The following MINDY1 variants were observed in gnomAD, a reference collection of about 807,000 sequenced individuals.
MINDY1 encodes ubiquitin carboxyl-terminal hydrolase MINDY-1.
Under a neutral mutation model 53.6 loss-of-function variants are expected in MINDY1, and 50 were observed. That is an observed-to-expected ratio of 0.93 (90% confidence interval 0.74 to 1.18). The LOEUF (loss-of-function observed/expected upper bound fraction) is 1.18, where lower values mean the gene tolerates loss of function less well. Ranked by LOEUF, MINDY1 falls within the 50% of genes most tolerant of loss-of-function variation. The probability of loss-of-function intolerance (pLI) is 0.00; values close to 1 mark genes in which losing one functional copy is unlikely to be tolerated. For synonymous variants in MINDY1, 231 were observed against 234.7 expected (o/e 0.98, Z 0.14); for missense variants, 484 against 578.6 (o/e 0.84, Z 1.68).
rs1672313511 is a variant in MINDY1, at chr1:150,999,674, A to G, written c.839-163T>C. 6.6e-6 allele frequency among the ~76,000 whole-genome samples: 1 copy of G among 152,198 alleles called. No individual in the cohort carries two copies. On this transcript the variant is annotated intron_variant, in intron 6 of 9. Transcript: ENST00000683666. This position sits in a 1 kb window ranked among gnomAD's most constrained non-coding sequence, Gnocchi z 4.4. ...GTATTCATTCACTTAACAAATACTT[A>G]TAATAGAGCAGCTACCTTGTGCCAG...
At chr1:151,003,045 G>A in intron 1 of MINDY1, 4 of 927,082 alleles carry the variant, frequency 4.3e-6, no homozygotes, top group Non-Finnish European at 5.4e-6. Flanking sequence ...AGGATAAGAG[G>A]TGGAGAAAGA....
intron 1 of MINDY1, among the ~76,000 whole-genome samples, chr1:151,005,782 G>C (rs1188193459): frequency 6.6e-6 from 1 of 152,148 alleles, no homozygotes; most frequent in Non-Finnish European, 1.5e-5. Flanking sequence ...ATAAATCAAA[G>C]TTTCATTCTT....
At position 151,006,820 on chromosome 1, in the gene MINDY1, G is replaced by T. The variant is rs763521830; in HGVS notation, c.-598C>A. 2.0e-6 allele frequency: 2 copies of T among 985,442 alleles called. No individual in the cohort carries two copies. The highest frequency in any genetic ancestry group is 2.4e-6 in the Non-Finnish European group (2 of 830,020). The allele number at this position is 985,442 out of a possible 1,614,324, so 61.0% of individuals were successfully genotyped here. On this transcript the variant is annotated 5_prime_UTR_variant, in exon 1 of 10. Coordinates refer to ENST00000683666, the MANE Select transcript of MINDY1 (RefSeq NM_001376665.1). ...CAGCTTTGTGATCAGCAGAGAGGGA[G>T]CGAGAAACAGGAGAGAAAAACAACA...
At position 151,002,459 on chromosome 1, in the gene MINDY1, T is replaced by G. The variant is rs142605017; in HGVS notation, c.159A>C (p.Ala53=). 6.2e-7 allele frequency: 1 copy of G among 1,614,220 alleles called. No homozygotes were observed. The highest frequency in any genetic ancestry group is 8.5e-7 in the Non-Finnish European group (1 of 1,180,044). Residue 53 remains alanine, a synonymous_variant, in exon 2 of 10, where the codon GCA becomes GCC. Transcript: ENST00000683666. The surrounding 1 kb of genome is among the most constrained non-coding windows in gnomAD (Gnocchi z 4.1). ...ADGEAREREP[A]DQALLPSQCG... Reference sequence around the variant, plus strand: ...ACTGGCTAGGCAGCAAAGCTTGGTCTGCTGGCTCCCGTTCTCTAGCCTCCC... The same window carrying G: ...ACTGGCTAGGCAGCAAAGCTTGGTCGGCTGGCTCCCGTTCTCTAGCCTCCC...
rs767749987 is a variant in MINDY1 at position 150,999,310 on chromosome 1, G to A, written c.981+59C>T. 9.4e-6 allele frequency: 15 copies of A among 1,604,072 alleles called. No individual in the cohort carries two copies. Among genetic ancestry groups the A allele is most frequent in the South Asian group, 6.7e-5 (6 of 90,174 alleles). The stretch of plus-strand genomic sequence containing the variant: ...TCTAGCTGATCCCAGCTGGACCCAC[G>A]AGAAAAAGGCACCAGGAAATGACAG... On this transcript the variant is annotated intron_variant, in intron 7 of 9. Coordinates refer to ENST00000683666, the MANE Select transcript of MINDY1 (RefSeq NM_001376665.1). This position sits in a 1 kb window ranked among gnomAD's most constrained non-coding sequence, Gnocchi z 4.4.
intron 1 of MINDY1, among the ~76,000 whole-genome samples, chr1:151,003,572 T>C (rs1672804829): frequency 1.3e-5 from 2 of 152,092 alleles, no homozygotes; most frequent in Admixed American, 1.3e-4. Flanking sequence ...AATAAAGATA[T>C]CAAATTTCTT....
At position 150,997,719 on chromosome 1, in the gene MINDY1, C is replaced by A. The variant is rs587767775; in HGVS notation, c.1234G>T (p.Asp412Tyr). The change falls in exon 9 of 10, where the codon GAC (aspartate) becomes TAC (tyrosine). Residue 412 changes from aspartate to tyrosine, a missense_variant. Physicochemically the swap from Asp to Tyr is radical, Grantham distance 160. Transcript: ENST00000683666. Reference protein sequence around the residue: ...QQPRGPLGLTDLELAQQLQQE... With the variant: ...QQPRGPLGLTYLELAQQLQQE... Reference sequence around the variant, plus strand: ...TGAAGCTGCTGGGCCAGCTCCAAGTCGGTAAGCCCCAGCGGGCCTCGTGGC... The same window carrying A: ...TGAAGCTGCTGGGCCAGCTCCAAGTAGGTAAGCCCCAGCGGGCCTCGTGGC... 1.5e-5 allele frequency: 24 copies of A among 1,613,918 alleles called. No individual in the cohort carries two copies. In the South Asian group the frequency reaches 2.2e-4, roughly 15 times the overall value.
Position 150,999,328 on chromosome 1 carries a change from A to G in MINDY1, c.981+41T>C, listed in dbSNP as rs1316727201. On this transcript the variant is annotated intron_variant, in intron 7 of 9. Transcript: ENST00000683666. The surrounding 1 kb of genome is among the most constrained non-coding windows in gnomAD (Gnocchi z 4.4). ...GACCCACGAGAAAAAGGCACCAGGA[A>G]ATGACAGCACCGCAGCACGCCACCC... 11 of 1,609,960 alleles carry G rather than the reference A, an allele frequency of 6.8e-6. No individual in the cohort carries two copies. In the Admixed American group the frequency reaches 1.7e-4, roughly 24 times the overall value.
Position 150,997,624 on chromosome 1 carries a change from C to T in MINDY1, c.1329G>A (p.Gln443=). 6.2e-7 allele frequency: 1 copy of T among 1,607,524 alleles called. No homozygotes were observed. The highest frequency in any genetic ancestry group is 8.5e-7 in the Non-Finnish European group (1 of 1,179,992). Residue 443 remains glutamine (Q), a splice_region_variant and synonymous_variant, in exon 9 of 10, where the codon CAG becomes CAA. Transcript: ENST00000683666. ...VRMRTRVLSL[Q]GRGATSGRPA... ...TGTGGGCGCCCAGGCAGCAGCCCAC[C>T]TGCAGTGACAGGACCCGCGTCCGCA...
intron 4 of MINDY1, 135 bp downstream of exon 4, chr1:151,001,115 C>T (rs1672517340): frequency 3.3e-6 from 3 of 912,814 alleles, no homozygotes; most frequent in Admixed American, 2.4e-5. Context: ...CAAAGATAAA[C>T]TCTCCTCTGA....
At position 150,997,042 on chromosome 1, in the gene MINDY1, G is replaced by C. The variant is rs1463678814; in HGVS notation, c.*245C>G. On this transcript the variant is annotated 3_prime_UTR_variant, in exon 10 of 10. Transcript: ENST00000683666. ...TCTGTACATACGTGTGACTATTCAGGGACCGGGAGTTGAGAACCAGAAACC... is the reference window on the plus strand; with the variant it reads ...TCTGTACATACGTGTGACTATTCAGCGACCGGGAGTTGAGAACCAGAAACC... 1 of 571,968 alleles carries C rather than the reference G, an allele frequency of 1.7e-6. No individual in the cohort carries two copies. Among genetic ancestry groups the C allele is most frequent in the Non-Finnish European group, 3.1e-6 (1 of 318,220 alleles). The allele number at this position is 571,968 out of a possible 1,614,324, so 35.4% of individuals were successfully genotyped here.
rs1673209938 is a variant in MINDY1, at chr1:151,006,412, T to C, written c.-190A>G. 1 of 1,328,390 alleles carries C rather than the reference T, an allele frequency of 7.5e-7. No homozygotes were observed. The highest frequency in any genetic ancestry group is 3.2e-5 in the Admixed American group (1 of 30,770). 82.3% of individuals were successfully genotyped at this position (1,328,390 alleles called of 1,614,324 possible). The stretch of plus-strand genomic sequence containing the variant: ...AATGAAGGGGGCTGCCAGTGCCAGC[T>C]GCCTTCCAGCTGTCAACGCCTGAGC... On this transcript the variant is annotated 5_prime_UTR_variant, in exon 1 of 10. Transcript: ENST00000683666.
chr1:151,008,296 G>C, upstream of MINDY1: 10 of 1,259,084 alleles, frequency 7.9e-6, no homozygotes, highest in African/African-American at 1.5e-5. Flanking sequence ...TCCTTCCCTC[G>C]GTTGCTAGGG....
In MINDY1 at chr1:151,000,488, G is replaced by A; in HGVS notation, c.704C>T (p.Pro235Leu). The change falls in exon 5 of 10, where the codon CCT (proline) becomes CTT (leucine). Residue 235 changes from proline to leucine, a missense_variant. Pro to Leu is a moderately conservative substitution (Grantham distance 98). Coordinates refer to ENST00000683666, the MANE Select transcript of MINDY1 (RefSeq NM_001376665.1). ...ECSVFDLLGI[P>L]LYHGWLVDPQ... ...ATCAACAAGCCAGCCATGGTACAGA[G>A]GTATGCCTAGCAGGTCAAAGACACT... 1.2e-6 allele frequency: 2 copies of A among 1,613,328 alleles called. No homozygotes were observed. Among genetic ancestry groups the A allele is most frequent in the South Asian group, 1.1e-5 (1 of 90,974 alleles).
intron 1 of MINDY1, among the ~76,000 whole-genome samples, chr1:151,004,467 C>A (rs924885577): frequency 6.6e-6 from 1 of 152,202 alleles, no homozygotes; most frequent in African/African-American, 2.4e-5. Context: ...CGGTGGCTCA[C>A]GCCTGTAATC....
chr1:151,000,480 G>A lies in MINDY1; in HGVS notation c.712C>T (p.His238Tyr), dbSNP rs1558053748. The change falls in exon 5 of 10, where the codon CAT becomes TAT. Residue 238 changes from histidine to tyrosine, a missense_variant. Physicochemically the swap from His to Tyr is moderately conservative, Grantham distance 83 (BLOSUM62 2). Transcript: ENST00000683666. ...ACCTGTGGATCAACAAGCCAGCCAT[G>A]GTACAGAGGTATGCCTAGCAGGTCA... is the stretch of plus-strand genomic sequence containing the variant. ...VFDLLGIPLYHGWLVDPQSPE... is the reference protein window; with the variant it reads ...VFDLLGIPLYYGWLVDPQSPE... 1.2e-6 allele frequency: 2 copies of A among 1,608,806 alleles called. No homozygotes were observed. Among genetic ancestry groups the A allele is most frequent in the Non-Finnish European group, 1.7e-6 (2 of 1,178,004 alleles).
At position 151,000,579 on chromosome 1, in the gene MINDY1, C is replaced by A. The variant is rs767964781; in HGVS notation, c.613G>T (p.Ala205Ser). Residue 205 changes from alanine to serine, a missense_variant, in exon 5 of 10, where the codon GCC becomes TCC. Ala to Ser is a moderately conservative substitution (Grantham distance 99). Coordinates refer to ENST00000683666, the MANE Select transcript of MINDY1 (RefSeq NM_001376665.1). The stretch of plus-strand genomic sequence containing the variant: ...CGCACATTGACATCCAGACCTGTGG[C>A]CAGTTTAGGCAGCACTGTCATTGCA... ...DDAMTVLPKL[A>S]TGLDVNVRFT... 3 of 1,613,746 alleles carry A rather than the reference C, an allele frequency of 1.9e-6. No individual in the cohort carries two copies.
intron 1 of MINDY1, among the ~76,000 whole-genome samples, chr1:151,005,154 G>T (rs1673034448): frequency 6.6e-6 from 1 of 152,084 alleles, no homozygotes; most frequent in South Asian, 2.1e-4. Context: ...GAAAAAGCTT[G>T]AAGAAAAGCA....
At chr1:150,997,404 TGGA>T in intron 9 of MINDY1, 37 bp from the exon 10 acceptor site, 1 of 1,575,216 alleles carries the variant, frequency 6.3e-7, no homozygotes, top group Non-Finnish European at 8.6e-7. Context: ...TGAACTTCCT[TGGA>T]AGAGCACAAG....
Sources: gnomAD v4.1 joint callset for allele counts (sites outside exome capture counted in the v4.1 genomes callset) on GRCh38, gnomAD v4.1.1 for gene constraint, Gnocchi (gnomAD v3.1) non-coding constraint, MANE v1.5 for transcripts, NCBI Gene and HGNC (gene_info 2026-07-23, HGNC 2026-07-21) for gene names.